The following MKNK1 variants were observed in gnomAD, a reference collection of about 807,000 sequenced individuals.
The protein encoded by MKNK1 is MAP kinase-interacting serine/threonine-protein kinase 1.
In MKNK1, 30 loss-of-function variants were observed where a neutral mutation model predicts 49.3. The ratio of observed to expected loss-of-function variants is 0.61; its 90% CI spans 0.46 to 0.83. MKNK1 has a LOEUF of 0.83. Ranked by LOEUF, MKNK1 falls within the 40% of genes least tolerant of loss-of-function variation. MKNK1 has a pLI of 0.00. For synonymous variants in MKNK1, 176 were observed against 201.7 expected (o/e 0.87, Z 1.08); for missense variants, 423 against 524.7 (o/e 0.81, Z 1.89).
intron 2 of MKNK1, among the ~76,000 whole-genome samples, chr1:46,591,436 C>G (rs1443679372): frequency 6.6e-6 from 1 of 152,186 alleles, no homozygotes; most frequent in Non-Finnish European, 1.5e-5. Flanking sequence ...CATCTTCTAC[C>G]TCTGTTCTGA....
intron 3 of MKNK1, among the ~76,000 whole-genome samples, chr1:46,582,220 C>A (rs1019062487): frequency 3.9e-5 from 6 of 152,158 alleles, no homozygotes; most frequent in Non-Finnish European, 8.8e-5. Context: ...CAGACACACA[C>A]CCCTGCTGTT....
At chr1:46,586,538 T>C (rs1672599211) in intron 2 of MKNK1, among the ~76,000 whole-genome samples, 1 of 152,174 alleles carries the variant, frequency 6.6e-6, no homozygotes, top group Non-Finnish European at 1.5e-5. Flanking sequence ...CTACAGATCA[T>C]GGCACAGTGT....
chr1:46,594,540 C>G (rs1673800716), intron 1 of MKNK1, among the ~76,000 whole-genome samples: 2 of 152,318 alleles, frequency 1.3e-5, no homozygotes, highest in Admixed American at 1.3e-4. Flanking sequence ...TCTAATTCCT[C>G]TCTATCCCCA....
At chr1:46,591,432 C>T (rs1206101385) in intron 2 of MKNK1, among the ~76,000 whole-genome samples, 1 of 152,190 alleles carries the variant, frequency 6.6e-6, no homozygotes, top group East Asian at 1.9e-4. Flanking sequence ...AGTCCATCTT[C>T]TACCTCTGTT....
intron 7 of MKNK1, among the ~76,000 whole-genome samples, chr1:46,571,111 GGAAA>G (rs1195847470): frequency 2.0e-5 from 3 of 152,164 alleles, no homozygotes; most frequent in Admixed American, 1.3e-4. Flanking sequence ...AACAATTTGT[GGAAA>G]GATTTAATTC....
chr1:46,567,096 C>A (rs1254615693), intron 8 of MKNK1, among the ~76,000 whole-genome samples: 1 of 152,178 alleles, frequency 6.6e-6, no homozygotes, highest in Admixed American at 6.5e-5. Flanking sequence ...CATGCAACCG[C>A]TGTGACCAGC....
rs1295214316 is a variant in MKNK1 at position 46,574,973 on chromosome 1, T to C, written c.326A>G (p.Tyr109Cys). ...IEFFEDDTRFYLVFEKLQGGS... is the reference protein window; with the variant it reads ...IEFFEDDTRFCLVFEKLQGGS... ...TCCTTGCAATTTCTCAAAGACCAAGTAAAACCTTGTGTCATCTTCAAAGAA... is the reference window on the plus strand; with the variant it reads ...TCCTTGCAATTTCTCAAAGACCAAGCAAAACCTTGTGTCATCTTCAAAGAA... Residue 109 changes from tyrosine (Y) to cysteine (C), a missense_variant, in exon 6 of 13, where the codon TAC (tyrosine) becomes TGC (cysteine). Transcript: ENST00000371945. 1.9e-6 allele frequency: 3 copies of C among 1,613,386 alleles called. No individual in the cohort carries two copies. Among genetic ancestry groups the C allele is most frequent in the East Asian group, 2.2e-5 (1 of 44,874 alleles).
chr1:46,585,266 A>ATCAGC, intron 2 of MKNK1, among the ~76,000 whole-genome samples: 1 of 49,894 alleles, frequency 2.0e-5, no homozygotes, highest in African/African-American at 1.4e-4. Context: ...AAAAAAAAAA[A>ATCAGC]AAAAAAAAAA....
At chr1:46,591,206 C>T (rs746460838) in intron 2 of MKNK1, among the ~76,000 whole-genome samples, 19 of 152,236 alleles carry the variant, frequency 1.2e-4, no homozygotes, top group South Asian at 2.1e-4. Flanking sequence ...ATCAAAGGAC[C>T]GTCTGTCCAT....
intron 6 of MKNK1, chr1:46,573,603 C>CTT (rs1479683132): frequency 2.0e-5 from 3 of 152,224 alleles, no homozygotes; most frequent in Non-Finnish European, 4.4e-5. Flanking sequence ...CCAGATTAAA[C>CTT]AACGGATCCC....
intron 9 of MKNK1, 21 bp downstream of exon 9, chr1:46,565,020 G>C (rs745689317): frequency 1.2e-6 from 2 of 1,604,048 alleles, no homozygotes; most frequent in Admixed American, 3.3e-5. Context: ...ATACTTAGGA[G>C]CCCAGAGGAA....
At chr1:46,577,559 A>G (rs1414569391) in intron 4 of MKNK1, among the ~76,000 whole-genome samples, 2 of 152,206 alleles carry the variant, frequency 1.3e-5, no homozygotes, top group Non-Finnish European at 2.9e-5. Context: ...ACAACATCAA[A>G]AGATAGGGAG....
rs758364324 is a variant in MKNK1, at chr1:46,558,629, C to G, written c.1185G>C (p.Arg395=). Residue 395 remains arginine (R), a synonymous_variant, in exon 13 of 13, where the codon CGG becomes CGC. Coordinates refer to ENST00000371945, the MANE Select transcript of MKNK1 (RefSeq NM_001135553.4). ...PPCKSRLARR[R]ALAQAGRGED... ...CACCACGGCCTGCCTGGGCCAGGGC[C>G]CGTCTCCGGGCCAGGCGTGACTTGC... 1.2e-6 allele frequency: 2 copies of G among 1,614,004 alleles called. No homozygotes were observed. The highest frequency in any genetic ancestry group is 1.7e-6 in the Non-Finnish European group (2 of 1,179,986).
At chr1:46,588,486 A>T (rs1178188796) in intron 2 of MKNK1, among the ~76,000 whole-genome samples, 3 of 152,224 alleles carry the variant, frequency 2.0e-5, no homozygotes, top group Non-Finnish European at 4.4e-5. Flanking sequence ...CATTCAAAAC[A>T]ACCAATGTTA....
intron 1 of MKNK1, among the ~76,000 whole-genome samples, chr1:46,601,910 T>C (rs542700779): frequency 1.3e-5 from 2 of 152,216 alleles, no homozygotes; most frequent in African/African-American, 4.8e-5. Flanking sequence ...AGGCAGACTA[T>C]GATGAGAGCT....
At chr1:46,562,443 C>T (rs6673787) in intron 10 of MKNK1, among the ~76,000 whole-genome samples, 6,897 of 143,570 alleles carry the variant, frequency 0.048, 383 homozygotes, top group African/African-American at 0.13. Context: ...GCATGATCTT[C>T]TAACAATCCT....
At position 46,568,496 on chromosome 1, in the gene MKNK1, T is replaced by C. The variant is rs2148612713; in HGVS notation, c.460A>G (p.Ile154Val). ...AALDFLHTKG[I>V]AHRDLKPENI... ...TCTGGTTTCAGATCACGATGAGCAA[T>C]GCCTGACATGACAAAGAGCAAAAAA... The change falls in exon 8 of 13, where the codon ATT (isoleucine) becomes GTT (valine). Residue 154 changes from isoleucine to valine, a missense_variant and splice_region_variant. By Grantham distance (29) the Ile-to-Val change is conservative (BLOSUM62 3). Transcript: ENST00000371945. 2.5e-6 allele frequency: 4 copies of C among 1,614,052 alleles called. No individual in the cohort carries two copies. Among genetic ancestry groups the C allele is most frequent in the Non-Finnish European group, 3.4e-6 (4 of 1,179,948 alleles).
At position 46,557,640 on chromosome 1, in the gene MKNK1, T is replaced by TCTAA. The variant is rs1160251436; in HGVS notation, c.*931_*934dup. ...GCTTCACCTTAGGCACAGAGCACTA[T>TCTAA]CTAACTGCCCAGATCTGTGCCACCC... On this transcript the variant is annotated 3_prime_UTR_variant, in exon 13 of 13. Coordinates refer to ENST00000371945, the MANE Select transcript of MKNK1 (RefSeq NM_001135553.4). 6.6e-6 allele frequency: 1 copy of TCTAA among 152,602 alleles called. No individual in the cohort carries two copies. The highest frequency in any genetic ancestry group is 2.4e-5 in the African/African-American group (1 of 41,462). The allele number at this position is 152,602 out of a possible 1,614,324, so 9.5% of individuals were successfully genotyped here.
intron 2 of MKNK1, among the ~76,000 whole-genome samples, chr1:46,588,687 G>T (rs188896114): frequency 9.2e-5 from 14 of 152,058 alleles, no homozygotes; most frequent in Admixed American, 6.5e-4. Flanking sequence ...GGCGCCTGTA[G>T]TCCCAGCTAT....
Sources: allele counts gnomAD v4.1 joint callset (sites outside exome capture counted in the v4.1 genomes callset), GRCh38; gene constraint gnomAD v4.1.1; transcripts MANE v1.5; gene names NCBI Gene and HGNC (gene_info 2026-07-23, HGNC 2026-07-21).